Variants in PRKAR1B observed in about 807,000 individuals in gnomAD.
The protein encoded by PRKAR1B is cAMP-dependent protein kinase type I-beta regulatory subunit.
In PRKAR1B, 22 loss-of-function variants were observed where a neutral mutation model predicts 46.5. That is an observed-to-expected ratio of 0.47 (90% CI 0.34 to 0.68). PRKAR1B has a LOEUF of 0.68. PRKAR1B is among the 30% of genes least tolerant of loss of function. The probability of loss-of-function intolerance (pLI) is 0.01; values close to 1 mark genes in which losing one functional copy is unlikely to be tolerated. For missense variants in PRKAR1B, 445 were observed against 535.6 expected, an observed-to-expected ratio of 0.83 and a Z score of 1.67; for synonymous variants, 259 against 217.7, an observed-to-expected ratio of 1.19 and a Z score of -1.67.
chr7:704,382 A>G (rs1308886509), intron 2 of PRKAR1B, among the ~76,000 whole-genome samples: 1 of 152,244 alleles, frequency 6.6e-6, no homozygotes, highest in Non-Finnish European at 1.5e-5. Context: ...CACCTCAGGA[A>G]TGAAATAATA....
chr7:591,137 C>T (rs1256382075), intron 7 of PRKAR1B, among the ~76,000 whole-genome samples: 1 of 152,282 alleles, frequency 6.6e-6, no homozygotes, highest in Non-Finnish European at 1.5e-5. Context: ...GTCCATCTCT[C>T]GCGGCGGGGT....
At chr7:562,243 C>T (rs1362644707) in intron 9 of PRKAR1B, among the ~76,000 whole-genome samples, 1 of 135,652 alleles carries the variant, frequency 7.4e-6, no homozygotes, top group Non-Finnish European at 1.6e-5. Flanking sequence ...CTGCTGCCTG[C>T]CAGGCGGGGA....
At chr7:680,523 G>C in intron 3 of PRKAR1B, 33 bp downstream of exon 3, 1 of 1,579,628 alleles carries the variant, frequency 6.3e-7, no homozygotes. Flanking sequence ...GCCGAGGCCT[G>C]GGGACAGGAA....
At chr7:636,804 G>T (rs959089413) in intron 4 of PRKAR1B, among the ~76,000 whole-genome samples, 1 of 152,336 alleles carries the variant, frequency 6.6e-6, no homozygotes, top group African/African-American at 2.4e-5. Context: ...TCCCTCCTGG[G>T]TGAGGAATGG....
At chr7:603,489 C>A (rs1781767498) in intron 6 of PRKAR1B, among the ~76,000 whole-genome samples, 1 of 152,164 alleles carries the variant, frequency 6.6e-6, no homozygotes, top group African/African-American at 2.4e-5. Context: ...ACAACCTCCC[C>A]CACACCAGAG....
chr7:710,585 C>T (rs988399074), intron 2 of PRKAR1B, among the ~76,000 whole-genome samples: 20 of 151,858 alleles, frequency 1.3e-4, no homozygotes, highest in African/African-American at 4.8e-4. Context: ...GCAAGATCAA[C>T]GTGGAATTCG....
At chr7:616,493 G>A (rs1438878182) in intron 4 of PRKAR1B, among the ~76,000 whole-genome samples, 1 of 152,256 alleles carries the variant, frequency 6.6e-6, no homozygotes, top group African/African-American at 2.4e-5. Flanking sequence ...CTCCGGAGCT[G>A]CGTCCTGCCA....
chr7:660,891 G>A (rs1166383963), intron 4 of PRKAR1B, among the ~76,000 whole-genome samples: 9 of 110,884 alleles, frequency 8.1e-5, no homozygotes, highest in South Asian at 3.1e-4. Context: ...CTACTCCAAC[G>A]GGTCCAAATA....
intron 4 of PRKAR1B, among the ~76,000 whole-genome samples, chr7:673,204 A>G: frequency 6.6e-6 from 1 of 152,050 alleles, no homozygotes; most frequent in Non-Finnish European, 1.5e-5. Context: ...CGCAGCTGGG[A>G]CCAGAAAGGG....
intron 4 of PRKAR1B, among the ~76,000 whole-genome samples, chr7:670,648 G>A (rs1192206401): frequency 6.8e-6 from 1 of 146,338 alleles, no homozygotes; most frequent in African/African-American, 2.6e-5. Context: ...GCTCCCCCAC[G>A]CCACAGCATC....
At chr7:707,501 G>A (rs1334886699) in intron 2 of PRKAR1B, among the ~76,000 whole-genome samples, 1 of 152,142 alleles carries the variant, frequency 6.6e-6, no homozygotes, top group Non-Finnish European at 1.5e-5. Context: ...GCCCAAGAAG[G>A]CCGCTGGGAT....
intron 2 of PRKAR1B, among the ~76,000 whole-genome samples, chr7:684,869 C>CACACAG (rs908922383): frequency 5.5e-5 from 8 of 145,988 alleles, no homozygotes; most frequent in African/African-American, 2.2e-4. Context: ...CCACCCACTT[C>CACACAG]ACACAGACAC....
chr7:656,011 G>A (rs1418123033), intron 4 of PRKAR1B, among the ~76,000 whole-genome samples: 1 of 152,198 alleles, frequency 6.6e-6, no homozygotes, highest in Non-Finnish European at 1.5e-5. Context: ...GCCTTTGAAA[G>A]ACAAAGATCC....
chr7:611,164 G>A (rs151183798), intron 4 of PRKAR1B, among the ~76,000 whole-genome samples: 5,476 of 152,330 alleles, frequency 0.036, 243 homozygotes, highest in African/African-American at 0.1. Context: ...GGTGAAGTCA[G>A]GCTGAAGCCC....
chr7:708,419 T>C (rs1162031484), intron 2 of PRKAR1B, among the ~76,000 whole-genome samples: 1 of 152,216 alleles, frequency 6.6e-6, no homozygotes, highest in African/African-American at 2.4e-5. Context: ...CCATGGATGC[T>C]GAAGTCCCTG....
chr7:633,801 T>C (rs548170909), intron 4 of PRKAR1B, among the ~76,000 whole-genome samples: 15 of 152,288 alleles, frequency 9.8e-5, no homozygotes, highest in African/African-American at 3.6e-4. Context: ...ACACAGCTCC[T>C]GTTCACGGCC....
At chr7:676,574 T>C (rs1273371596) in intron 4 of PRKAR1B, among the ~76,000 whole-genome samples, 1 of 152,140 alleles carries the variant, frequency 6.6e-6, no homozygotes, top group African/African-American at 2.4e-5. Flanking sequence ...CCAGACCCCC[T>C]ATTTGAGGAA....
At chr7:575,183 G>A (rs1002194007) in intron 9 of PRKAR1B, among the ~76,000 whole-genome samples, 1 of 152,224 alleles carries the variant, frequency 6.6e-6, no homozygotes, top group East Asian at 1.9e-4. Flanking sequence ...TGGAGGCAGG[G>A]GTGACCTCAT....
chr7:711,967 G>A (rs1780659197), intron 1 of PRKAR1B, among the ~76,000 whole-genome samples: 1 of 151,722 alleles, frequency 6.6e-6, no homozygotes, highest in African/African-American at 2.4e-5. Flanking sequence ...GGCCTCAGGG[G>A]AGGGGGAGAT....
Sources: allele counts gnomAD v4.1 joint callset (sites outside exome capture counted in the v4.1 genomes callset), GRCh38; gene constraint gnomAD v4.1.1; transcripts MANE v1.5; gene names NCBI Gene and HGNC (gene_info 2026-07-23, HGNC 2026-07-21).